MTREX: variants seen among roughly 807,000 people sequenced by gnomAD.
The protein encoded by MTREX is Mtr4 exosome RNA helicase, also known as exosome RNA helicase MTR4.
Under a neutral mutation model 135.4 loss-of-function variants are expected in MTREX, and 76 were observed. That is an observed-to-expected ratio of 0.56 (90% CI 0.47 to 0.68). MTREX has a LOEUF of 0.68. MTREX is among the 30% of genes least tolerant of loss of function. MTREX has a pLI of 0.00. For missense variants in MTREX, 920 were observed against 1,262.1 expected (o/e 0.73, Z 4.11); for synonymous variants, 404 against 401.6 (o/e 1.01, Z -0.07).
intron 10 of MTREX, among the ~76,000 whole-genome samples, chr5:55,345,778 C>T (rs1749723227): frequency 1.3e-5 from 2 of 149,920 alleles, no homozygotes; most frequent in Admixed American, 1.3e-4. Flanking sequence ...AGTGATTCTC[C>T]TGCCTCAGCC....
intron 21 of MTREX, among the ~76,000 whole-genome samples, chr5:55,402,310 T>C (rs967403449): frequency 3.9e-5 from 6 of 152,322 alleles, no homozygotes; most frequent in Middle Eastern, 3.4e-3. Flanking sequence ...TACACAGATA[T>C]CCAGTTGTGA....
chr5:55,350,795 GGAAA>G, intron 12 of MTREX, 120 bp from the exon 13 acceptor site: 1 of 809,408 alleles, frequency 1.2e-6, no homozygotes, highest in Non-Finnish European at 1.9e-6. Context: ...CTTTTATTCT[GGAAA>G]GATTTTATTA....
intron 5 of MTREX, among the ~76,000 whole-genome samples, chr5:55,339,432 A>G (rs769112336): frequency 2.6e-5 from 4 of 152,152 alleles, no homozygotes; most frequent in Non-Finnish European, 4.4e-5. Context: ...AATAAGGAGG[A>G]TCTACTACAA....
At position 55,416,055 on chromosome 5, in the gene MTREX, A is replaced by C; in HGVS notation, c.2894A>C (p.His965Pro). The change falls in exon 25 of 27, where the codon CAC (histidine) becomes CCC (proline). Residue 965 changes from histidine (H) to proline (P), a missense_variant. Around this residue, in one of 6 missense-constraint regions of MTREX, gnomAD observed 467 missense variants for 589.7 expected, o/e 0.79. Coordinates refer to ENST00000230640, the MANE Select transcript of MTREX (RefSeq NM_015360.5). The stretch of plus-strand genomic sequence containing the variant: ...ACTTATCTAAGCTCATTTAAACCTC[A>C]CTTAATGGATGTAGTATATACCTGG... ...EETYLSSFKP[H>P]LMDVVYTWAT... 6.2e-7 allele frequency: 1 copy of C among 1,603,916 alleles called. No homozygotes were observed.
chr5:55,405,407 T>C lies in MTREX; in HGVS notation c.2482-18T>C. On this transcript the variant is annotated intron_variant, in intron 21 of 26. Coordinates refer to ENST00000230640, the MANE Select transcript of MTREX (RefSeq NM_015360.5). ...TCACTTTATTATTGAACTTTCTTTA[T>C]ACTTTCATGTGCTTTAGATTGCAAT... 4 of 1,597,076 alleles carry C rather than the reference T, an allele frequency of 2.5e-6. No individual in the cohort carries two copies. The highest frequency in any genetic ancestry group is 3.4e-6 in the Non-Finnish European group (4 of 1,167,722).
chr5:55,349,620 T>C lies in MTREX; in HGVS notation c.1288T>C (p.Cys430Arg), dbSNP rs1285700364. 1 of 1,605,372 alleles carries C rather than the reference T, an allele frequency of 6.2e-7. No individual in the cohort carries two copies. Among genetic ancestry groups the C allele is most frequent in the African/African-American group, 1.3e-5 (1 of 74,684 alleles). Residue 430 changes from cysteine to arginine, a missense_variant, in exon 12 of 27, where the codon TGC (cysteine) becomes CGC (arginine). Cys to Arg is a radical substitution (Grantham distance 180). This residue lies in a region of MTREX where 101 missense variants were observed against 119.1 expected (regional missense o/e 0.85). Transcript: ENST00000230640. ...AGAAGTATTCAGTAATGCAATTGAT[T>C]GCTTATCCGATGAAGATAAAAAACT... is the stretch of plus-strand genomic sequence containing the variant. Reference protein sequence around the residue: ...VEEVFSNAIDCLSDEDKKLPQ... With the variant: ...VEEVFSNAIDRLSDEDKKLPQ...
intron 24 of MTREX, among the ~76,000 whole-genome samples, chr5:55,415,722 A>G (rs1750956349): frequency 6.6e-6 from 1 of 152,224 alleles, no homozygotes; most frequent in African/African-American, 2.4e-5. Flanking sequence ...AAAAGGTATC[A>G]CTGGCTGAAA....
intron 5 of MTREX, among the ~76,000 whole-genome samples, 164 bp from the exon 6 acceptor site, chr5:55,339,846 A>T (rs1173852493): frequency 2.6e-5 from 4 of 152,194 alleles, no homozygotes; most frequent in East Asian, 3.8e-4. Flanking sequence ...TCTATTTCAT[A>T]TTTATTATAA....
intron 15 of MTREX, among the ~76,000 whole-genome samples, chr5:55,360,207 C>T (rs1267679681): frequency 6.6e-6 from 1 of 152,090 alleles, no homozygotes; most frequent in African/African-American, 2.4e-5. Context: ...AATGTGTACC[C>T]TTTTGTATCT....
At chr5:55,392,838 G>T (rs1350168114) in intron 19 of MTREX, among the ~76,000 whole-genome samples, 1 of 152,148 alleles carries the variant, frequency 6.6e-6, no homozygotes, top group Admixed American at 6.6e-5. Flanking sequence ...TGGTTAACCT[G>T]TTGTTTCTCC....
At chr5:55,415,890 G>A in intron 24 of MTREX, 80 bp from the exon 25 acceptor site, 2 of 1,009,102 alleles carry the variant, frequency 2.0e-6, no homozygotes, top group South Asian at 3.8e-5. Flanking sequence ...GGACCTCCTG[G>A]AATACTGGCT....
At chr5:55,309,289 A>G (rs1335941322) in intron 1 of MTREX, among the ~76,000 whole-genome samples, 1 of 152,228 alleles carries the variant, frequency 6.6e-6, no homozygotes, top group Non-Finnish European at 1.5e-5. Flanking sequence ...TTTTGATTTC[A>G]TTTTTAAAAC....
At chr5:55,359,805 T>C (rs1436697518) in intron 15 of MTREX, among the ~76,000 whole-genome samples, 1 of 152,224 alleles carries the variant, frequency 6.6e-6, no homozygotes, top group Non-Finnish European at 1.5e-5. Flanking sequence ...GGAGGTAATA[T>C]TTTAATGACA....
chr5:55,371,338 C>T (rs1750193718), intron 16 of MTREX, among the ~76,000 whole-genome samples: 1 of 152,142 alleles, frequency 6.6e-6, no homozygotes, highest in African/African-American at 2.4e-5. Flanking sequence ...CTGAGCATGG[C>T]AGTTCATTTC....
At chr5:55,320,390 A>G (rs1036345540) in intron 1 of MTREX, among the ~76,000 whole-genome samples, 1 of 151,888 alleles carries the variant, frequency 6.6e-6, no homozygotes, top group Non-Finnish European at 1.5e-5. Context: ...AATTTTTTGT[A>G]TTTTTAGTAG....
At chr5:55,410,344 A>G (rs1298379492) in intron 22 of MTREX, among the ~76,000 whole-genome samples, 180 bp from the exon 23 acceptor site, 1 of 152,130 alleles carries the variant, frequency 6.6e-6, no homozygotes, top group Non-Finnish European at 1.5e-5. Flanking sequence ...CATTGATTAT[A>G]TAATATATTG....
At chr5:55,387,342 A>G (rs777608872) in intron 18 of MTREX, among the ~76,000 whole-genome samples, 56 of 152,248 alleles carry the variant, frequency 3.7e-4, no homozygotes, top group Admixed American at 1.6e-3. Flanking sequence ...TGGAGTCCAC[A>G]TAGTCAAGTC....
Position 55,358,669 on chromosome 5 carries a change from A to C in MTREX, c.1630A>C (p.Ser544Arg). The C allele has an allele frequency of 6.2e-7, 1 of 1,600,626 alleles. No individual in the cohort carries two copies. The highest frequency in any genetic ancestry group is 8.5e-7 in the Non-Finnish European group (1 of 1,176,426). The change falls in exon 15 of 27, where the codon AGC becomes CGC. Residue 544 changes from serine (S) to arginine (R), a missense_variant. Physicochemically the swap from Ser to Arg is moderately radical, Grantham distance 110. This residue lies in a region of MTREX where 46 missense variants were observed against 116.8 expected (regional missense o/e 0.39). Coordinates refer to ENST00000230640, the MANE Select transcript of MTREX (RefSeq NM_015360.5). Reference protein sequence around the residue: ...IVILMVDEKMSPTIGKQLLKG... With the variant: ...IVILMVDEKMRPTIGKQLLKG... ...AATTCTTATGGTAGATGAAAAGATGAGCCCAACAATTGGAAAACAATTACT... is the reference window on the plus strand; with the variant it reads ...AATTCTTATGGTAGATGAAAAGATGCGCCCAACAATTGGAAAACAATTACT...
intron 2 of MTREX, among the ~76,000 whole-genome samples, chr5:55,323,516 A>G (rs924701831): frequency 6.6e-6 from 1 of 151,838 alleles, no homozygotes; most frequent in African/African-American, 2.4e-5. Flanking sequence ...CAGCCTCCCC[A>G]GGGTCAGGTG....
Sources: allele counts gnomAD v4.1 joint callset (sites outside exome capture counted in the v4.1 genomes callset), GRCh38; gene constraint gnomAD v4.1.1; regional missense constraint gnomAD v4.1.1; transcripts MANE v1.5; gene names NCBI Gene and HGNC (gene_info 2026-07-23, HGNC 2026-07-21).